Variants in STK31 observed in about 807,000 individuals in gnomAD.
The protein encoded by STK31 is serine/threonine-protein kinase 31.
In STK31, 89 loss-of-function variants were observed where a neutral mutation model predicts 129.7. The observed-to-expected ratio is 0.69, with a 90% CI of 0.58 to 0.82. The LOEUF (loss-of-function observed/expected upper bound fraction) is 0.82, where lower values mean the gene tolerates loss of function less well. Among genes scored for constraint, STK31 ranks in the 40% least tolerant of loss-of-function variants. STK31 has a pLI of 0.00. For missense variants in STK31, 1,187 were observed against 1,176.4 expected (o/e 1.01, Z -0.13); for synonymous variants, 448 against 395.3 (o/e 1.13, Z -1.58).
intron 22 of STK31, among the ~76,000 whole-genome samples, chr7:23,810,472 TTTCCCTTCCTGTGC>T (rs1793015913): frequency 8.0e-6 from 1 of 124,620 alleles, no homozygotes; most frequent in African/African-American, 3.2e-5. Flanking sequence ...TTTTTCTTTT[TTTCCCTTCCTGTGC>T]ATTACTTGAA....
At chr7:23,725,943 GAGAGAGGAAGCAA>G (rs1278122260) in intron 4 of STK31, 1 of 152,196 alleles carries the variant, frequency 6.6e-6, no homozygotes, top group East Asian at 1.9e-4. Context: ...ATTACATGGT[GAGAGAGGAAGCAA>G]AGGGAGGAAG....
intron 8 of STK31, among the ~76,000 whole-genome samples, chr7:23,746,348 A>C (rs192909567): frequency 6.6e-6 from 1 of 152,274 alleles, no homozygotes; most frequent in East Asian, 1.9e-4. Flanking sequence ...CCTTCTATGC[A>C]TTGAGGAGCC....
At chr7:23,710,399 T>C (rs752227374) in intron 1 of STK31, 64 bp downstream of exon 1, 14 of 1,610,888 alleles carry the variant, frequency 8.7e-6, no homozygotes, top group Non-Finnish European at 1.2e-5. Flanking sequence ...TCGTCGCTGC[T>C]TGCGTTTTAA....
chr7:23,712,235 G>T lies in STK31; in HGVS notation c.99G>T (p.Val33=), dbSNP rs763969439. 6.8e-6 allele frequency: 11 copies of T among 1,613,920 alleles called. No individual in the cohort carries two copies. In the East Asian group the frequency reaches 2.5e-4, roughly 36 times the overall value. ...CCTTGTATTGTGATTTGATTTTAGT[G>T]GAAGATGTGGTTGGAAGTCACATAG... is the stretch of plus-strand genomic sequence containing the variant. ...QMDEDTHYDK[V]EDVVGSHIED... Residue 33 remains valine, a splice_region_variant and synonymous_variant, in exon 3 of 24, where the codon GTG becomes GTT. Coordinates refer to ENST00000355870, the MANE Select transcript of STK31 (RefSeq NM_031414.5).
Position 23,788,066 on chromosome 7 carries a change from C to A in STK31, c.2574C>A (p.Asn858Lys). Reference sequence around the variant, plus strand: ...TAATTCATGGATCACTTCATCAGAACAATGTATTTGCTTTAAACCGTGAAC... The same window carrying A: ...TAATTCATGGATCACTTCATCAGAAAAATGTATTTGCTTTAAACCGTGAAC... The part of the protein sequence containing the change: ...ADIIHGSLHQ[N>K]NVFALNREQG... The change falls in exon 21 of 24, where the codon AAC (asparagine) becomes AAA (lysine). Residue 858 changes from asparagine (N) to lysine (K), a missense_variant. Coordinates refer to ENST00000355870, the MANE Select transcript of STK31 (RefSeq NM_031414.5). 6.2e-7 allele frequency: 1 copy of A among 1,613,090 alleles called. No individual in the cohort carries two copies. The highest frequency in any genetic ancestry group is 8.5e-7 in the Non-Finnish European group (1 of 1,179,556).
chr7:23,729,981 C>A (rs114989644), intron 6 of STK31, among the ~76,000 whole-genome samples: 215 of 152,290 alleles, frequency 1.4e-3, no homozygotes, highest in African/African-American at 4.9e-3. Context: ...TTGGCAGAGG[C>A]TCATACTGTT....
chr7:23,754,382 T>C lies in STK31; in HGVS notation c.1201T>C (p.Cys401Arg). Residue 401 changes from cysteine to arginine, a missense_variant, in exon 10 of 24, where the codon TGC becomes CGC. Coordinates refer to ENST00000355870, the MANE Select transcript of STK31 (RefSeq NM_031414.5). ...TGCTATACAAGTGTTGGATGAAGGG[T>C]GCTTTACTACTCCAGCTTCTTTGAA... ...SDAIQVLDEGCFTTPASLNGL... is the reference protein window; with the variant it reads ...SDAIQVLDEGRFTTPASLNGL... The C allele has an allele frequency of 6.2e-7, 1 of 1,613,964 alleles. No individual in the cohort carries two copies. Among genetic ancestry groups the C allele is most frequent in the South Asian group, 1.1e-5 (1 of 91,070 alleles).
chr7:23,828,126 G>T (rs1050081068), intron 23 of STK31, among the ~76,000 whole-genome samples: 1 of 152,172 alleles, frequency 6.6e-6, no homozygotes, highest in Non-Finnish European at 1.5e-5. Flanking sequence ...AAAGCTGTCA[G>T]ACAGGGACAC....
chr7:23,745,629 G>A (rs1442155711), intron 8 of STK31, among the ~76,000 whole-genome samples: 3 of 152,168 alleles, frequency 2.0e-5, no homozygotes, highest in Non-Finnish European at 2.9e-5. Flanking sequence ...GACACTGGTG[G>A]CAGCAGCAGC....
At position 23,710,219 on chromosome 7, in the gene STK31, G is replaced by C; in HGVS notation, c.-67G>C. ...CACGCAGGCGCAGTGTGGGGCCCTTGCGGTCGAAGCTCACGCGGTAAGCCG... is the reference window on the plus strand; with the variant it reads ...CACGCAGGCGCAGTGTGGGGCCCTTCCGGTCGAAGCTCACGCGGTAAGCCG... On this transcript the variant is annotated 5_prime_UTR_variant, in exon 1 of 24. Transcript: ENST00000355870. The C allele has an allele frequency of 6.2e-7, 1 of 1,610,776 alleles. No individual in the cohort carries two copies. The highest frequency in any genetic ancestry group is 8.5e-7 in the Non-Finnish European group (1 of 1,179,468).
intron 18 of STK31, 85 bp from the exon 19 acceptor site, chr7:23,786,423 A>G (rs1366335517): frequency 3.1e-6 from 4 of 1,291,842 alleles, no homozygotes; most frequent in Non-Finnish European, 4.1e-6. Context: ...ACTTAAAATA[A>G]TGAATTATGT....
chr7:23,727,806 C>T (rs927629753), intron 5 of STK31, among the ~76,000 whole-genome samples: 4 of 151,584 alleles, frequency 2.6e-5, no homozygotes, highest in Admixed American at 6.6e-5. Context: ...GTGATCCGTC[C>T]GCCTCAGCCT....
Position 23,815,222 on chromosome 7 carries a change from C to G in STK31, c.2829+10C>G. 1 of 1,560,508 alleles carries G rather than the reference C, an allele frequency of 6.4e-7. No homozygotes were observed. The highest frequency in any genetic ancestry group is 8.7e-7 in the Non-Finnish European group (1 of 1,150,598). On this transcript the variant is annotated intron_variant, in intron 23 of 23. Transcript: ENST00000355870. ...GGATCAGTTTCATCTGGTATGTGAC[C>G]TTTTTGACATTTACTGGTTTGAAAC...
chr7:23,739,186 G>A (rs1472238760), intron 8 of STK31, among the ~76,000 whole-genome samples: 2 of 152,178 alleles, frequency 1.3e-5, no homozygotes, highest in Non-Finnish European at 2.9e-5. Context: ...GAGTGAGATG[G>A]TATCTCATTG....
In STK31 at chr7:23,735,587, G is replaced by A. The variant is rs940440062; in HGVS notation, c.533G>A (p.Arg178Lys). The A allele has an allele frequency of 6.2e-7, 1 of 1,610,742 alleles. No individual in the cohort carries two copies. Among genetic ancestry groups the A allele is most frequent in the African/African-American group, 1.3e-5 (1 of 74,834 alleles). ...SLIFEKEIKM[R>K]IKATSEDGTV... Reference sequence around the variant, plus strand: ...ATTTTTGAAAAGGAAATAAAAATGAGAATTAAAGCAACCTCTGAAGATGGA... The same window carrying A: ...ATTTTTGAAAAGGAAATAAAAATGAAAATTAAAGCAACCTCTGAAGATGGA... The change falls in exon 7 of 24, where the codon AGA (arginine) becomes AAA (lysine). Residue 178 changes from arginine (R) to lysine (K), a missense_variant. Arg to Lys is a conservative substitution (Grantham distance 26). Around this residue, in one of 5 missense-constraint regions of STK31, gnomAD observed 103 missense variants for 110.4 expected, o/e 0.93. Transcript: ENST00000355870.
chr7:23,783,004 A>C (rs1293218677), intron 16 of STK31, among the ~76,000 whole-genome samples: 1 of 152,154 alleles, frequency 6.6e-6, no homozygotes, highest in African/African-American at 2.4e-5. Context: ...AAAAAACTTC[A>C]GCCAACTTAA....
chr7:23,786,662 A>G (rs772592250), intron 19 of STK31, 29 bp downstream of exon 19: 1 of 1,597,234 alleles, frequency 6.3e-7, no homozygotes, highest in Non-Finnish European at 8.5e-7. Context: ...TCTCTTGCAG[A>G]AACCATTTTA....
chr7:23,717,097 C>CTTTTTTTTTTTTTTT lies in STK31; in HGVS notation c.151-370_151-356dup, dbSNP rs70956911. ...TACAGGTGTGAGCCATCGCAACCTG[C>CTTTTTTTTTTTTTTT]TTTTTTTTTTTTTTTTTTTTTTTTT... is the stretch of plus-strand genomic sequence containing the variant. On this transcript the variant is annotated intron_variant, in intron 3 of 23. Coordinates refer to ENST00000355870, the MANE Select transcript of STK31 (RefSeq NM_031414.5). 5.5e-3 allele frequency among the ~76,000 whole-genome samples: 237 copies of CTTTTTTTTTTTTTTT among 42,936 alleles called. 7 individuals are homozygous for CTTTTTTTTTTTTTTT. Among genetic ancestry groups the CTTTTTTTTTTTTTTT allele is most frequent in the Non-Finnish European group, 7.9e-3 (188 of 23,788 alleles). The allele number at this position is 42,936 out of a possible 152,430, so 28.2% of individuals were successfully genotyped here. A position where few individuals can be genotyped will look rare whatever the true frequency, so the allele number is the denominator to read the frequency against.
chr7:23,785,684 A>G (rs1791232404), intron 18 of STK31, 81 bp downstream of exon 18: 1 of 1,501,764 alleles, frequency 6.7e-7, no homozygotes, highest in South Asian at 1.3e-5. Flanking sequence ...GAAAGAAAAA[A>G]CCTCACTGTT....
Sources: allele counts gnomAD v4.1 joint callset (sites outside exome capture counted in the v4.1 genomes callset), GRCh38; gene constraint gnomAD v4.1.1; regional missense constraint gnomAD v4.1.1; transcripts MANE v1.5; gene names NCBI Gene and HGNC (gene_info 2026-07-23, HGNC 2026-07-21).